GRXCR1: variants seen among roughly 807,000 people sequenced by gnomAD.
GRXCR1 encodes glutaredoxin and cysteine rich domain containing 1.
GRXCR1 carries 27 observed loss-of-function variants against 27.3 expected under a neutral mutation model. The ratio of observed to expected loss-of-function variants is 0.99; its 90% CI spans 0.73 to 1.37. The LOEUF is 1.37. Among genes scored for constraint, GRXCR1 ranks in the 40% most tolerant of loss-of-function variants. The pLI, the probability that GRXCR1 is intolerant of heterozygous loss-of-function variation, is 0.00. For synonymous variants in GRXCR1, 122 were observed against 131.1 expected (o/e 0.93, Z 0.47); for missense variants, 379 against 354.4 (o/e 1.07, Z -0.56).
intron 2 of GRXCR1, among the ~76,000 whole-genome samples, chr4:42,989,101 A>T (rs974339376): frequency 6.6e-6 from 1 of 152,202 alleles, no homozygotes; most frequent in Non-Finnish European, 1.5e-5. Flanking sequence ...CAGGAAACAC[A>T]CTTTCTATAA....
intron 1 of GRXCR1, among the ~76,000 whole-genome samples, chr4:42,909,908 G>A (rs2109744102): frequency 6.6e-6 from 1 of 152,300 alleles, no homozygotes; most frequent in South Asian, 2.1e-4. Context: ...GCATTTTCAA[G>A]AGGGAAGGAG....
At chr4:42,984,715 G>T (rs1711625748) in intron 2 of GRXCR1, among the ~76,000 whole-genome samples, 1 of 152,172 alleles carries the variant, frequency 6.6e-6, no homozygotes, top group Non-Finnish European at 1.5e-5. Context: ...GTAGTTGGTG[G>T]AACACTGGAG....
intron 2 of GRXCR1, among the ~76,000 whole-genome samples, chr4:42,993,721 A>G (rs533042752): frequency 3.3e-5 from 5 of 152,154 alleles, no homozygotes; most frequent in Non-Finnish European, 7.4e-5. Context: ...GGTTTCTACT[A>G]AATGTGTATC....
At chr4:42,949,080 G>T (rs114644887) in intron 1 of GRXCR1, among the ~76,000 whole-genome samples, 2 of 151,994 alleles carry the variant, frequency 1.3e-5, no homozygotes, top group African/African-American at 2.4e-5. Context: ...TCTGGGCCAG[G>T]CCCGGTGGCT....
chr4:42,904,887 G>A (rs1368572331), intron 1 of GRXCR1, among the ~76,000 whole-genome samples: 1 of 152,092 alleles, frequency 6.6e-6, no homozygotes, highest in Non-Finnish European at 1.5e-5. Flanking sequence ...GCTTATTAAG[G>A]AACAGAGGTG....
chr4:43,005,565 T>G (rs1712529780), intron 2 of GRXCR1, among the ~76,000 whole-genome samples: 1 of 152,136 alleles, frequency 6.6e-6, no homozygotes, highest in African/African-American at 2.4e-5. Flanking sequence ...AAGAACAAAT[T>G]ACCACGGCAA....
At chr4:42,968,292 C>T (rs1486197090) in intron 2 of GRXCR1, among the ~76,000 whole-genome samples, 1 of 152,066 alleles carries the variant, frequency 6.6e-6, no homozygotes, top group Non-Finnish European at 1.5e-5. Flanking sequence ...TCATTATTGT[C>T]TGATGTCCAA....
chr4:42,940,662 T>C (rs1462497698), intron 1 of GRXCR1, among the ~76,000 whole-genome samples: 3 of 152,142 alleles, frequency 2.0e-5, no homozygotes, highest in Non-Finnish European at 4.4e-5. Context: ...ACTTTTCTGA[T>C]TTTGTTATTC....
chr4:42,948,559 T>TA (rs1747801357), intron 1 of GRXCR1, among the ~76,000 whole-genome samples: 3 of 152,138 alleles, frequency 2.0e-5, no homozygotes, highest in African/African-American at 7.2e-5. Context: ...ACTTGGTATT[T>TA]AAAATCCATC....
chr4:42,936,210 G>T (rs1747454792), intron 1 of GRXCR1, among the ~76,000 whole-genome samples: 1 of 151,792 alleles, frequency 6.6e-6, no homozygotes, highest in Non-Finnish European at 1.5e-5. Flanking sequence ...TATTGAAACT[G>T]ATGTTCAATA....
chr4:42,928,099 T>C (rs1024601561), intron 1 of GRXCR1, among the ~76,000 whole-genome samples: 2 of 151,964 alleles, frequency 1.3e-5, no homozygotes, highest in Non-Finnish European at 2.9e-5. Context: ...CTCTCCAGAA[T>C]TCCAGCAGAG....
chr4:42,901,305 C>T (rs1746455508), intron 1 of GRXCR1, among the ~76,000 whole-genome samples: 1 of 152,154 alleles, frequency 6.6e-6, no homozygotes, highest in African/African-American at 2.4e-5. Flanking sequence ...TATCTCTTCA[C>T]AGTTATGGAG....
intron 2 of GRXCR1, among the ~76,000 whole-genome samples, chr4:42,980,371 A>G (rs61439666): frequency 0.35 from 53,496 of 151,604 alleles, 9,614 homozygotes; most frequent in East Asian, 0.4. Flanking sequence ...ATATTTTTAA[A>G]ATTTTGTTTT....
chr4:42,899,862 G>C (rs1452968036), intron 1 of GRXCR1, among the ~76,000 whole-genome samples: 1 of 152,060 alleles, frequency 6.6e-6, no homozygotes, highest in Non-Finnish European at 1.5e-5. Context: ...AATTCCCTGA[G>C]CTTAATCCTA....
At chr4:42,914,952 G>T (rs942244896) in intron 1 of GRXCR1, among the ~76,000 whole-genome samples, 1 of 152,054 alleles carries the variant, frequency 6.6e-6, no homozygotes. Context: ...CTCTAAAGAG[G>T]TGTCTTCCAC....
chr4:42,984,545 C>G (rs893962347), intron 2 of GRXCR1, among the ~76,000 whole-genome samples: 3 of 152,178 alleles, frequency 2.0e-5, no homozygotes, highest in Non-Finnish European at 2.9e-5. Context: ...TCTGAATTAG[C>G]CCTTCAACAG....
chr4:42,912,793 G>C (rs1283049534), intron 1 of GRXCR1, among the ~76,000 whole-genome samples: 1 of 152,060 alleles, frequency 6.6e-6, no homozygotes, highest in Non-Finnish European at 1.5e-5. Flanking sequence ...TTATGGTTTG[G>C]CTCTATGTCC....
rs574867371 is a variant in GRXCR1 at position 42,893,795 on chromosome 4, A to G, written c.384+145A>G. On this transcript the variant is annotated intron_variant, in intron 1 of 3. Transcript: ENST00000399770. ...GCTCCTCCACCTAAGATACTGTCCT[A>G]ACAGCTATCAATTAAAAACTGGGTC... 10 of 834,258 alleles carry G rather than the reference A, an allele frequency of 1.2e-5. No homozygotes were observed. The Admixed American group carries it at 1.7e-4, about 15-fold the overall frequency. 51.7% of individuals were successfully genotyped at this position (834,258 alleles called of 1,614,324 possible). A position where few individuals can be genotyped will look rare whatever the true frequency, so the allele number is the denominator to read the frequency against.
chr4:42,916,493 T>C (rs979565909), intron 1 of GRXCR1, among the ~76,000 whole-genome samples: 2 of 152,124 alleles, frequency 1.3e-5, no homozygotes, highest in African/African-American at 4.8e-5. Flanking sequence ...ATTGTGAAAA[T>C]CATAGGCCAA....
Sources: gnomAD v4.1 joint callset for allele counts (sites outside exome capture counted in the v4.1 genomes callset) on GRCh38, gnomAD v4.1.1 for gene constraint, MANE v1.5 for transcripts, NCBI Gene and HGNC (gene_info 2026-07-23, HGNC 2026-07-21) for gene names.